The following EPB41L5 variants were observed in gnomAD, a reference collection of about 807,000 sequenced individuals.
EPB41L5 encodes the protein band 4.1-like protein 5.
Under a neutral mutation model 106.6 loss-of-function variants are expected in EPB41L5, and 55 were observed. That is an observed-to-expected ratio of 0.52 (90% confidence interval 0.42 to 0.65). EPB41L5 has a LOEUF of 0.65. Among genes scored for constraint, EPB41L5 ranks in the 30% least tolerant of loss-of-function variants. The probability of loss-of-function intolerance (pLI) is 0.00; values close to 1 mark genes in which losing one functional copy is unlikely to be tolerated. For synonymous variants in EPB41L5, 297 were observed against 306.7 expected, an observed-to-expected ratio of 0.97 and a Z score of 0.33; for missense variants, 871 against 882.1, an observed-to-expected ratio of 0.99 and a Z score of 0.16.
intron 2 of EPB41L5, among the ~76,000 whole-genome samples, chr2:120,037,085 A>T (rs1358094552): frequency 4.0e-5 from 6 of 151,874 alleles, no homozygotes; most frequent in Non-Finnish European, 8.8e-5. Context: ...AAAACCAAAG[A>T]TTTTGCAGGA....
At chr2:120,072,066 A>G (rs530251625) in intron 3 of EPB41L5, among the ~76,000 whole-genome samples, 30 of 152,378 alleles carry the variant, frequency 2.0e-4, no homozygotes, top group African/African-American at 7.2e-4. Flanking sequence ...TCCAGAATGT[A>G]TAAGAAACTT....
At chr2:120,025,572 T>G (rs776907756) in intron 2 of EPB41L5, among the ~76,000 whole-genome samples, 1 of 152,188 alleles carries the variant, frequency 6.6e-6, no homozygotes, top group Non-Finnish European at 1.5e-5. Context: ...AGATAACAAT[T>G]TTTATATACC....
At chr2:120,071,089 C>T (rs1681832305) in intron 3 of EPB41L5, among the ~76,000 whole-genome samples, 1 of 152,122 alleles carries the variant, frequency 6.6e-6, no homozygotes, top group Admixed American at 6.6e-5. Flanking sequence ...TTAGAAAACC[C>T]CATCATCTCA....
rs560321811 is a variant in EPB41L5 at position 120,168,742 on chromosome 2, T to C, written c.2135+735T>C. On this transcript the variant is annotated intron_variant, in intron 24 of 24. Transcript: ENST00000263713. Reference sequence around the variant, plus strand: ...AAGAAATTCAGTTTAATTTCAAAATTGTCTCCACAGTGTTCAAAGTAGCAT... The same window carrying C: ...AAGAAATTCAGTTTAATTTCAAAATCGTCTCCACAGTGTTCAAAGTAGCAT... Among the ~76,000 whole-genome samples, 3 of 152,334 alleles carry C rather than the reference T, an allele frequency of 2.0e-5. No individual in the cohort carries two copies. The South Asian group carries it at 6.2e-4, about 32-fold the overall frequency.
chr2:120,129,373 AAG>A (rs1344475083), intron 17 of EPB41L5, among the ~76,000 whole-genome samples: 1 of 152,096 alleles, frequency 6.6e-6, no homozygotes, highest in Non-Finnish European at 1.5e-5. Context: ...AAATTAAAAA[AAG>A]AAATTTGCTT....
Position 120,077,313 on chromosome 2 carries a change from C to A in EPB41L5, c.711C>A (p.Val237=). Residue 237 remains valine, a synonymous_variant, in exon 9 of 25, where the codon GTC becomes GTA. Coordinates refer to ENST00000263713, the MANE Select transcript of EPB41L5 (RefSeq NM_020909.4). ...LEMYGVDMHV[V]KARDGNDYSL... is the part of the protein sequence containing the mutation. ...TGTATGGGGTTGATATGCATGTGGT[C>A]AAGGTAAGCATTGTGTTGTGATGCT... 6.2e-7 allele frequency: 1 copy of A among 1,608,816 alleles called. No homozygotes were observed. Among genetic ancestry groups the A allele is most frequent in the South Asian group, 1.1e-5 (1 of 89,952 alleles).
chr2:120,174,795 C>T (rs1687861208), intron 24 of EPB41L5, 46 bp from the exon 25 acceptor site: 3 of 1,578,632 alleles, frequency 1.9e-6, no homozygotes, highest in Non-Finnish European at 2.6e-6. Flanking sequence ...TGTCCTCCTC[C>T]AAACCCCAGG....
intron 2 of EPB41L5, among the ~76,000 whole-genome samples, chr2:120,034,507 T>G (rs1292748255): frequency 6.6e-6 from 1 of 152,104 alleles, no homozygotes; most frequent in Non-Finnish European, 1.5e-5. Context: ...GTAGAAATAT[T>G]TTGTAGTGTA....
chr2:120,093,154 T>G (rs1683524842), intron 13 of EPB41L5, 95 bp from the exon 14 acceptor site: 2 of 998,924 alleles, frequency 2.0e-6, no homozygotes. Context: ...GAAACATGGC[T>G]TGTAAAGCAA....
chr2:120,130,097 G>C (rs1199922816), intron 17 of EPB41L5, among the ~76,000 whole-genome samples: 2 of 140,590 alleles, frequency 1.4e-5, no homozygotes, highest in African/African-American at 5.2e-5. Flanking sequence ...AGTGAGCCGA[G>C]ATGGCACCAC....
rs558358247 is a variant in EPB41L5 at position 120,095,691 on chromosome 2, C to T, written c.1178+2415C>T. ...ATTAATTAATTAATTTTTTTTGAGA[C>T]GGAGTCTTGCTCTATCGCTCAGGTT... On this transcript the variant is annotated intron_variant, in intron 14 of 24. Coordinates refer to ENST00000263713, the MANE Select transcript of EPB41L5 (RefSeq NM_020909.4). 1.2e-4 allele frequency among the ~76,000 whole-genome samples: 18 copies of T among 151,650 alleles called. No individual in the cohort carries two copies. The East Asian group carries it at 2.1e-3, about 18-fold the overall frequency.
intron 16 of EPB41L5, among the ~76,000 whole-genome samples, chr2:120,102,180 A>G (rs557772295): frequency 6.6e-6 from 1 of 152,294 alleles, no homozygotes; most frequent in East Asian, 1.9e-4. Context: ...ATACTATATT[A>G]CGACACTGAA....
chr2:120,159,476 G>A (rs1207741269), intron 20 of EPB41L5, among the ~76,000 whole-genome samples: 1 of 147,970 alleles, frequency 6.8e-6, no homozygotes, highest in Non-Finnish European at 1.5e-5. Context: ...TGGCCATATT[G>A]CCCAAAGCAA....
intron 3 of EPB41L5, among the ~76,000 whole-genome samples, chr2:120,057,181 C>T (rs115890056): frequency 1.4e-3 from 214 of 152,238 alleles, no homozygotes; most frequent in Middle Eastern, 0.01. Context: ...TGAGCTACCA[C>T]GTCTGGCTGT....
intron 14 of EPB41L5, among the ~76,000 whole-genome samples, chr2:120,094,953 T>C (rs550178904): frequency 9.8e-5 from 15 of 152,320 alleles, no homozygotes; most frequent in African/African-American, 3.4e-4. Flanking sequence ...ACTTTTTTTA[T>C]GGCCCCTCCA....
At chr2:120,023,851 T>C (rs1287161366) in intron 2 of EPB41L5, among the ~76,000 whole-genome samples, 1 of 152,214 alleles carries the variant, frequency 6.6e-6, no homozygotes, top group Non-Finnish European at 1.5e-5. Flanking sequence ...TCCTCTCTTA[T>C]TTTGTTGAGC....
chr2:120,056,124 T>C (rs1384981710), intron 3 of EPB41L5, among the ~76,000 whole-genome samples: 2 of 152,190 alleles, frequency 1.3e-5, no homozygotes, highest in African/African-American at 4.8e-5. Context: ...CCTAGTTCGT[T>C]GATGCTTTCA....
intron 20 of EPB41L5, 44 bp downstream of exon 20, chr2:120,146,333 T>G (rs1263064892): frequency 1.4e-6 from 2 of 1,432,250 alleles, no homozygotes; most frequent in East Asian, 4.6e-5. Flanking sequence ...TTCTTATCTA[T>G]CTTTGTCTTT....
intron 6 of EPB41L5, 76 bp downstream of exon 6, chr2:120,075,596 G>C: frequency 7.0e-7 from 1 of 1,428,268 alleles, no homozygotes; most frequent in East Asian, 2.3e-5. Flanking sequence ...TAAGTTTATA[G>C]TTGTAAAAAA....
Sources: allele counts gnomAD v4.1 joint callset (sites outside exome capture counted in the v4.1 genomes callset), GRCh38; gene constraint gnomAD v4.1.1; transcripts MANE v1.5; gene names NCBI Gene and HGNC (gene_info 2026-07-23, HGNC 2026-07-21).